The following CDCA2 variants were observed in gnomAD, a reference collection of about 807,000 sequenced individuals.
The protein encoded by CDCA2 is cell division cycle-associated protein 2.
A neutral mutation model predicts 67.0 loss-of-function variants in CDCA2; 44 were observed. That is an observed-to-expected ratio of 0.66 (90% CI 0.52 to 0.84). CDCA2 has a LOEUF of 0.84. CDCA2 is among the 40% of genes least tolerant of loss of function. CDCA2 has a pLI of 0.00. For synonymous variants in CDCA2, 447 were observed against 418.7 expected (o/e 1.07, Z -0.82); for missense variants, 1,253 against 1,203.2 (o/e 1.04, Z -0.61).
At chr8:25,465,381 T>TC (rs1802859881) in intron 4 of CDCA2, among the ~76,000 whole-genome samples, 1 of 151,898 alleles carries the variant, frequency 6.6e-6, no homozygotes, top group South Asian at 2.1e-4. Context: ...ATGTTAGTAG[T>TC]CCAAGTAATA....
At chr8:25,493,925 C>G (rs535089910) in intron 13 of CDCA2, among the ~76,000 whole-genome samples, 3 of 152,258 alleles carry the variant, frequency 2.0e-5, no homozygotes, top group African/African-American at 7.2e-5. Flanking sequence ...ATCCACTGAT[C>G]AAAATACAAA....
intron 5 of CDCA2, among the ~76,000 whole-genome samples, chr8:25,467,716 A>G (rs1802970796): frequency 6.6e-6 from 1 of 152,178 alleles, no homozygotes; most frequent in Admixed American, 6.5e-5. Context: ...TTCAATAGAC[A>G]TGTTTTCATT....
chr8:25,490,687 C>T (rs574725424), intron 13 of CDCA2, among the ~76,000 whole-genome samples: 1 of 152,252 alleles, frequency 6.6e-6, no homozygotes, highest in East Asian at 1.9e-4. Flanking sequence ...CCAGCCTCCT[C>T]CCACCCTGAT....
At chr8:25,493,508 T>G (rs1804093285) in intron 13 of CDCA2, among the ~76,000 whole-genome samples, 1 of 152,120 alleles carries the variant, frequency 6.6e-6, no homozygotes, top group Admixed American at 6.6e-5. Flanking sequence ...AGAACAAGCT[T>G]GGGAAAAGTA....
intron 10 of CDCA2, 69 bp downstream of exon 10, chr8:25,484,279 G>A (rs980083427): frequency 2.5e-5 from 39 of 1,549,902 alleles, no homozygotes; most frequent in Non-Finnish European, 3.3e-5. Flanking sequence ...CTTTGCATGA[G>A]CAATAACTAT....
chr8:25,502,117 G>A (rs1441760127), intron 13 of CDCA2, among the ~76,000 whole-genome samples: 2 of 151,976 alleles, frequency 1.3e-5, no homozygotes, highest in African/African-American at 2.4e-5. Context: ...GGATGGTCTC[G>A]ATCTCCTGAC....
At chr8:25,475,347 C>T (rs569316417) in intron 7 of CDCA2, among the ~76,000 whole-genome samples, 159 of 152,206 alleles carry the variant, frequency 1.0e-3, no homozygotes, top group African/African-American at 3.6e-3. Context: ...GGTGAAATCC[C>T]GGCTCTACTA....
At chr8:25,475,111 C>G (rs915709517) in intron 7 of CDCA2, among the ~76,000 whole-genome samples, 2 of 152,172 alleles carry the variant, frequency 1.3e-5, no homozygotes, top group Admixed American at 6.5e-5. Context: ...AGTTGCTCCC[C>G]CTAAGCCAAA....
rs115099611 is a variant in CDCA2, at chr8:25,468,403, A to G, written c.725A>G (p.Asp242Gly). 1.2e-6 allele frequency: 2 copies of G among 1,610,340 alleles called. No homozygotes were observed. The highest frequency in any genetic ancestry group is 1.7e-6 in the Non-Finnish European group (2 of 1,178,236). Residue 242 changes from aspartate (D) to glycine (G), a missense_variant, in exon 6 of 15, where the codon GAT (aspartate) becomes GGT (glycine). Asp to Gly is a moderately conservative substitution (Grantham distance 94). Coordinates refer to ENST00000330560, the MANE Select transcript of CDCA2 (RefSeq NM_152562.4). ...DRACAVETSVDLSEISSKLGS... is the reference protein window; with the variant it reads ...DRACAVETSVGLSEISSKLGS... The stretch of plus-strand genomic sequence containing the variant: ...GCATGTGCAGTTGAAACTTCTGTAG[A>G]TCTTTCTGAGGTAATTCACTTACTT...
At chr8:25,503,915 TG>T (rs1563286500) in intron 14 of CDCA2, among the ~76,000 whole-genome samples, 1 of 152,040 alleles carries the variant, frequency 6.6e-6, no homozygotes, top group African/African-American at 2.4e-5. Context: ...GAACGAGAGC[TG>T]GGGCACCTGC....
At chr8:25,493,420 G>A (rs1210549916) in intron 13 of CDCA2, among the ~76,000 whole-genome samples, 1 of 152,096 alleles carries the variant, frequency 6.6e-6, no homozygotes. Context: ...AAGGATTGGT[G>A]AATTTGATAT....
intron 8 of CDCA2, among the ~76,000 whole-genome samples, chr8:25,482,365 T>G (rs915570537): frequency 2.0e-5 from 3 of 152,222 alleles, no homozygotes; most frequent in African/African-American, 7.2e-5. Context: ...AATGCAGTTC[T>G]TCTATCTGGG....
At chr8:25,504,419 C>T (rs1485904479) in intron 14 of CDCA2, among the ~76,000 whole-genome samples, 2 of 151,872 alleles carry the variant, frequency 1.3e-5, no homozygotes, top group Non-Finnish European at 2.9e-5. Flanking sequence ...GCAAGAGCCA[C>T]GCTGTCTTGC....
Position 25,503,492 on chromosome 8 carries a change from T to C in CDCA2, c.1791T>C (p.Pro597=). 2.5e-6 allele frequency: 4 copies of C among 1,614,080 alleles called. No individual in the cohort carries two copies. Among genetic ancestry groups the C allele is most frequent in the Non-Finnish European group, 3.4e-6 (4 of 1,179,998 alleles). The change falls in exon 14 of 15, where the codon CCT becomes CCC. Residue 597 remains proline, a synonymous_variant. Coordinates refer to ENST00000330560, the MANE Select transcript of CDCA2 (RefSeq NM_152562.4). ...TCCTCAGTCCTATTCCCGAGCTGCC[T>C]GAAGTCCCTGAGATGACACCTTCCA... ...KPLLSPIPEL[P]EVPEMTPSIP...
chr8:25,485,727 G>T, intron 10 of CDCA2, 32 bp from the exon 11 acceptor site: 2 of 1,334,596 alleles, frequency 1.5e-6, no homozygotes, highest in South Asian at 1.3e-5. Context: ...TGCATTTAAA[G>T]ATATCTAACT....
chr8:25,466,911 A>T (rs925473465), intron 5 of CDCA2, among the ~76,000 whole-genome samples: 2 of 151,876 alleles, frequency 1.3e-5, no homozygotes, highest in African/African-American at 4.8e-5. Context: ...GCGTGGTGAC[A>T]CATGCCTGTA....
At chr8:25,474,440 A>G (rs1350620754) in intron 7 of CDCA2, among the ~76,000 whole-genome samples, 2 of 152,130 alleles carry the variant, frequency 1.3e-5, no homozygotes, top group African/African-American at 4.8e-5. Flanking sequence ...TTTTATTACT[A>G]ATTCAGTCGT....
chr8:25,499,753 G>A lies in CDCA2; in HGVS notation c.1672-3620G>A, dbSNP rs140426554. ...AGGAATCAGTGATTTTGGAGTAAACGAAATTGCTTTAGGGACAATCCCTTC... is the reference window on the plus strand; with the variant it reads ...AGGAATCAGTGATTTTGGAGTAAACAAAATTGCTTTAGGGACAATCCCTTC... On this transcript the variant is annotated intron_variant, in intron 13 of 14. Transcript: ENST00000330560. Among the ~76,000 whole-genome samples, 53 of 152,262 alleles carry A rather than the reference G, an allele frequency of 3.5e-4. 1 individual carries two copies. In the East Asian group the frequency reaches 8.7e-3, roughly 25 times the overall value.
intron 13 of CDCA2, among the ~76,000 whole-genome samples, chr8:25,488,992 G>T (rs1037736648): frequency 2.6e-5 from 4 of 152,076 alleles, no homozygotes; most frequent in Admixed American, 2.6e-4. Context: ...TTACCCTATT[G>T]GGAATCCTGA....
Sources: allele counts gnomAD v4.1 joint callset (sites outside exome capture counted in the v4.1 genomes callset), GRCh38; gene constraint gnomAD v4.1.1; transcripts MANE v1.5; gene names NCBI Gene and HGNC (gene_info 2026-07-23, HGNC 2026-07-21).